The following FER variants were observed in gnomAD, a reference collection of about 807,000 sequenced individuals.
The protein encoded by FER is FER tyrosine kinase, also known as tyrosine-protein kinase Fer.
FER carries 63 observed loss-of-function variants against 111.0 expected under a neutral mutation model. The ratio of observed to expected loss-of-function variants is 0.57; its 90% CI spans 0.46 to 0.70. The LOEUF is 0.70. Ranked by LOEUF, FER falls within the 30% of genes least tolerant of loss-of-function variation. The pLI is 0.00. For synonymous variants in FER, 327 were observed against 313.9 expected (o/e 1.04, Z -0.44); for missense variants, 914 against 954.0 (o/e 0.96, Z 0.55).
At chr5:108,977,136 A>G (rs1581481462) in intron 13 of FER, among the ~76,000 whole-genome samples, 1 of 152,362 alleles carries the variant, frequency 6.6e-6, no homozygotes, top group African/African-American at 2.4e-5. Flanking sequence ...AGTGAGAGGT[A>G]GCTACAAAAT....
chr5:109,049,298 G>C (rs1220336193), intron 16 of FER, among the ~76,000 whole-genome samples: 1 of 152,164 alleles, frequency 6.6e-6, no homozygotes, highest in East Asian at 1.9e-4. Context: ...AGGATGTCAG[G>C]CTGAGCTGTT....
chr5:109,043,853 C>A (rs530974539), intron 14 of FER, among the ~76,000 whole-genome samples: 1 of 152,074 alleles, frequency 6.6e-6, no homozygotes, highest in South Asian at 2.1e-4. Context: ...CGCCTGTAGT[C>A]CCAGCTACTC....
chr5:109,135,916 T>G (rs1417261229), intron 17 of FER, among the ~76,000 whole-genome samples: 1 of 151,974 alleles, frequency 6.6e-6, no homozygotes, highest in Non-Finnish European at 1.5e-5. Flanking sequence ...CTTACTTCCT[T>G]CTGCTTGGCC....
At chr5:108,772,941 G>A (rs1465593326) in intron 2 of FER, among the ~76,000 whole-genome samples, 1 of 152,214 alleles carries the variant, frequency 6.6e-6, no homozygotes, top group African/African-American at 2.4e-5. Context: ...TGATGTGTAA[G>A]CAAGTACATA....
chr5:108,934,025 G>A (rs1370673964), intron 10 of FER, among the ~76,000 whole-genome samples: 1 of 151,556 alleles, frequency 6.6e-6, no homozygotes, highest in Non-Finnish European at 1.5e-5. Flanking sequence ...TCTAAAATTT[G>A]ACTTCCTCTC....
At chr5:109,020,406 A>C in intron 13 of FER, among the ~76,000 whole-genome samples, 1 of 151,994 alleles carries the variant, frequency 6.6e-6, no homozygotes, top group East Asian at 1.9e-4. Context: ...TTTTTTAAAG[A>C]ATCTTCTAAA....
chr5:108,801,204 T>C (rs577817242), intron 3 of FER, among the ~76,000 whole-genome samples: 1 of 152,370 alleles, frequency 6.6e-6, no homozygotes, highest in South Asian at 2.1e-4. Flanking sequence ...CATATTTTTA[T>C]CTTTTTTTGC....
At chr5:108,928,663 G>A (rs143979070) in intron 10 of FER, among the ~76,000 whole-genome samples, 156 of 151,712 alleles carry the variant, frequency 1.0e-3, no homozygotes, top group African/African-American at 3.7e-3. Context: ...AGCTATGAAC[G>A]GTATAATTTT....
chr5:109,024,916 G>T (rs1768468804), intron 13 of FER, among the ~76,000 whole-genome samples: 1 of 150,466 alleles, frequency 6.6e-6, no homozygotes, highest in Non-Finnish European at 1.5e-5. Context: ...GTTTGTCAAA[G>T]ATCAGATAGT....
At chr5:109,042,881 G>C (rs149645987) in intron 14 of FER, among the ~76,000 whole-genome samples, 3 of 152,256 alleles carry the variant, frequency 2.0e-5, no homozygotes, top group Admixed American at 1.3e-4. Context: ...ATAATGTGGA[G>C]CTATATAGAG....
At chr5:108,826,871 C>T (rs1032636046) in intron 3 of FER, among the ~76,000 whole-genome samples, 3 of 152,180 alleles carry the variant, frequency 2.0e-5, no homozygotes, top group African/African-American at 7.2e-5. Flanking sequence ...TTTGCAGACT[C>T]CCAGCTCTGT....
intron 5 of FER, among the ~76,000 whole-genome samples, chr5:108,854,149 C>CA (rs1268212189): frequency 1.3e-5 from 2 of 152,158 alleles, no homozygotes; most frequent in African/African-American, 4.8e-5. Flanking sequence ...AGCAGTGACA[C>CA]AACATTTTCA....
At chr5:108,926,388 G>T (rs1753747512) in intron 10 of FER, among the ~76,000 whole-genome samples, 1 of 151,936 alleles carries the variant, frequency 6.6e-6, no homozygotes, top group South Asian at 2.1e-4. Flanking sequence ...AAGTAGAAAA[G>T]ATTACAGTTT....
At chr5:108,754,131 C>T (rs921025710) in intron 1 of FER, among the ~76,000 whole-genome samples, 1 of 151,938 alleles carries the variant, frequency 6.6e-6, no homozygotes, top group Non-Finnish European at 1.5e-5. Context: ...AAAATGTGGG[C>T]TGGGTGCAGT....
chr5:108,930,643 C>G lies in FER; in HGVS notation c.1237-15487C>G, dbSNP rs1581251100. ...CCTTCCCTCTCCTTCCTTTTTGAGA[C>G]AGGGTCTCGCTCTGTCTCCCAGGCT... On this transcript the variant is annotated intron_variant, in intron 10 of 19. Transcript: ENST00000281092. Among the ~76,000 whole-genome samples, 2 of 118,680 alleles carry G rather than the reference C, an allele frequency of 1.7e-5. 1 individual carries two copies. Among genetic ancestry groups the G allele is most frequent in the South Asian group, 6.7e-4 (2 of 3,000 alleles). The allele number at this position is 118,680 out of a possible 152,430, so 77.9% of individuals were successfully genotyped here. A position where few individuals can be genotyped will look rare whatever the true frequency, so the allele number is the denominator to read the frequency against.
At chr5:108,843,966 C>G (rs567089771) in intron 5 of FER, among the ~76,000 whole-genome samples, 1 of 150,128 alleles carries the variant, frequency 6.7e-6, no homozygotes, top group Non-Finnish European at 1.5e-5. Flanking sequence ...TTTGTCACGG[C>G]TAGGCTTCTG....
intron 10 of FER, among the ~76,000 whole-genome samples, chr5:108,932,289 G>T (rs553684091): frequency 1.3e-5 from 2 of 152,104 alleles, no homozygotes; most frequent in Non-Finnish European, 2.9e-5. Context: ...TTCTGTTCCT[G>T]TGTTAGTTTG....
At chr5:108,884,654 C>T (rs886297666) in intron 9 of FER, among the ~76,000 whole-genome samples, 10 of 151,728 alleles carry the variant, frequency 6.6e-5, no homozygotes, top group South Asian at 2.1e-4. Context: ...GTCTTGACTC[C>T]GAAAAACAAT....
At chr5:109,176,751 A>T (rs188315052) in intron 17 of FER, among the ~76,000 whole-genome samples, 36 of 152,334 alleles carry the variant, frequency 2.4e-4, no homozygotes, top group African/African-American at 7.5e-4. Flanking sequence ...TACGATTATT[A>T]TATGTCAACT....
Sources: gnomAD v4.1 joint callset for allele counts (sites outside exome capture counted in the v4.1 genomes callset) on GRCh38, gnomAD v4.1.1 for gene constraint, MANE v1.5 for transcripts, NCBI Gene and HGNC (gene_info 2026-07-23, HGNC 2026-07-21) for gene names.